Variants in GALNT2 observed in about 807,000 individuals in gnomAD.
GALNT2 encodes the protein polypeptide N-acetylgalactosaminyltransferase 2, also known as UDP-GalNAc:polypeptide N-acetylgalactosaminyltransferase 2.
GALNT2 carries 31 observed loss-of-function variants against 81.4 expected under a neutral mutation model. The ratio of observed to expected loss-of-function variants is 0.38; its 90% CI spans 0.29 to 0.51. The LOEUF (loss-of-function observed/expected upper bound fraction) is 0.51, where lower values mean the gene tolerates loss of function less well. Among genes scored for constraint, GALNT2 ranks in the 20% least tolerant of loss-of-function variants. The probability of loss-of-function intolerance (pLI) is 0.87; values close to 1 mark genes in which losing one functional copy is unlikely to be tolerated. For missense variants in GALNT2, 629 were observed against 765.7 expected (o/e 0.82, Z 2.11); for synonymous variants, 303 against 287.4 (o/e 1.05, Z -0.55).
At chr1:230,145,100 G>C (rs1661873276) in intron 1 of GALNT2, among the ~76,000 whole-genome samples, 1 of 151,780 alleles carries the variant, frequency 6.6e-6, no homozygotes, top group Non-Finnish European at 1.5e-5. Context: ...GCATCTGCAG[G>C]CTCTCACTCA....
rs376148106 is a variant in GALNT2, at chr1:230,138,564, G to A, written c.127-39654G>A. Among the ~76,000 whole-genome samples the A allele has an allele frequency of 6.6e-5, 10 of 151,814 alleles. No homozygotes were observed. The East Asian group carries it at 1.2e-3, about 18-fold the overall frequency. On this transcript the variant is annotated intron_variant, in intron 1 of 15. Coordinates refer to ENST00000366672, the MANE Select transcript of GALNT2 (RefSeq NM_004481.5). ...AAAAAATGAAACAGAAGAAAGAATG[G>A]CCACTCCATAGGCAGAGCAGTGGCA...
At chr1:230,101,749 A>G (rs1660409052) in intron 1 of GALNT2, among the ~76,000 whole-genome samples, 1 of 152,212 alleles carries the variant, frequency 6.6e-6, no homozygotes, top group Admixed American at 6.5e-5. Flanking sequence ...TTTGTTGTGT[A>G]TAATTATTCT....
At position 230,243,700 on chromosome 1, in the gene GALNT2, A is replaced by C. The variant is rs982700580; in HGVS notation, c.729+273A>C. On this transcript the variant is annotated intron_variant, in intron 7 of 15. Coordinates refer to ENST00000366672, the MANE Select transcript of GALNT2 (RefSeq NM_004481.5). This position sits in a 1 kb window ranked among gnomAD's most constrained non-coding sequence, Gnocchi z 4.2. ...ATCAGCAGAGGCTGGTGAGAGCCTG[A>C]TTAGTTGAAGGCAGCCCTTTTCATG... Among the ~76,000 whole-genome samples, 7 of 152,224 alleles carry C rather than the reference A, an allele frequency of 4.6e-5. No homozygotes were observed. The highest frequency in any genetic ancestry group is 1.4e-4 in the African/African-American group (6 of 41,464).
intron 9 of GALNT2, 28 bp downstream of exon 9, chr1:230,249,299 C>T (rs767776362): frequency 6.3e-7 from 1 of 1,597,054 alleles, no homozygotes; most frequent in South Asian, 1.1e-5. Context: ...TCAGGGTGCC[C>T]CTCCCAGATG....
intron 1 of GALNT2, among the ~76,000 whole-genome samples, chr1:230,111,356 CAT>C (rs1422899124): frequency 1.3e-4 from 20 of 152,372 alleles, no homozygotes; most frequent in Admixed American, 6.5e-4. Flanking sequence ...TTTGCATACA[CAT>C]GTGTGCATGG....
At chr1:230,266,662 AAGAG>A (rs773208381) in intron 14 of GALNT2, among the ~76,000 whole-genome samples, 1 of 152,142 alleles carries the variant, frequency 6.6e-6, no homozygotes, top group Non-Finnish European at 1.5e-5. Context: ...CCTAAATTAG[AAGAG>A]AGAGAGGAAC....
At chr1:230,060,679 A>T (rs960034043) in intron 1 of GALNT2, among the ~76,000 whole-genome samples, 1 of 152,150 alleles carries the variant, frequency 6.6e-6, no homozygotes, top group Admixed American at 6.5e-5. Context: ...TCTTCTCCAA[A>T]CAAACCTTTA....
chr1:230,252,547 G>A (rs1027370832), intron 10 of GALNT2, among the ~76,000 whole-genome samples: 1 of 152,162 alleles, frequency 6.6e-6, no homozygotes, highest in Non-Finnish European at 1.5e-5. Flanking sequence ...CAGAGGTCAT[G>A]ACACCTTGCC....
chr1:230,167,305 C>G lies in GALNT2; in HGVS notation c.127-10913C>G, dbSNP rs527286103. Among the ~76,000 whole-genome samples the G allele has an allele frequency of 2.1e-4, 32 of 152,168 alleles. No individual in the cohort carries two copies. The South Asian group carries it at 6.2e-3, about 30-fold the overall frequency. ...GGACTACAGCTGTGCATCCCCACACCTGGCTAATTTTTAAAATTTTTTGTA... is the reference window on the plus strand; with the variant it reads ...GGACTACAGCTGTGCATCCCCACACGTGGCTAATTTTTAAAATTTTTTGTA... On this transcript the variant is annotated intron_variant, in intron 1 of 15. Coordinates refer to ENST00000366672, the MANE Select transcript of GALNT2 (RefSeq NM_004481.5).
intron 10 of GALNT2, among the ~76,000 whole-genome samples, chr1:230,253,839 C>T (rs982057650): frequency 6.6e-6 from 1 of 152,158 alleles, no homozygotes; most frequent in African/African-American, 2.4e-5. Flanking sequence ...TCCTTCCCAG[C>T]CTTTACTATC....
rs779172012 is a variant in GALNT2, at chr1:230,262,969, T to G, written c.1277T>G (p.Phe426Cys). Reference protein sequence around the residue: ...ELRKKLSCKPFKWYLENVYPE... With the variant: ...ELRKKLSCKPCKWYLENVYPE... ...AGGAAGAAACTCAGCTGCAAGCCTTTCAAATGGTACCTTGAAAATGTCTAT... is the reference window on the plus strand; with the variant it reads ...AGGAAGAAACTCAGCTGCAAGCCTTGCAAATGGTACCTTGAAAATGTCTAT... The change falls in exon 13 of 16, where the codon TTC (phenylalanine) becomes TGC (cysteine). Residue 426 changes from phenylalanine to cysteine, a missense_variant. Phe to Cys is a radical substitution (Grantham distance 205). This residue lies in a region of GALNT2 where 207 missense variants were observed against 225.5 expected (regional missense o/e 0.92). Coordinates refer to ENST00000366672, the MANE Select transcript of GALNT2 (RefSeq NM_004481.5). 6.2e-7 allele frequency: 1 copy of G among 1,614,248 alleles called. No homozygotes were observed. The highest frequency in any genetic ancestry group is 8.5e-7 in the Non-Finnish European group (1 of 1,180,032).
At chr1:230,065,973 C>G (rs1007979545), upstream of GALNT2, among the ~76,000 whole-genome samples, 5 of 152,178 alleles carry the variant, frequency 3.3e-5, no homozygotes, top group Admixed American at 1.3e-4. Flanking sequence ...GTTGGACTTT[C>G]TATTTATAAA....
rs540385084 is a variant in GALNT2 at position 230,090,579 on chromosome 1, C to T, written c.126+23173C>T. 4.3e-4 allele frequency among the ~76,000 whole-genome samples: 65 copies of T among 152,206 alleles called. 3 individuals are homozygous for T. In the South Asian group the frequency reaches 0.013, roughly 31 times the overall value. ...GGGAGGGCTGGTGCTTCTGAGGTTCCCAAAGTTCCTGGACTCGAATTTTCT... is the reference window on the plus strand; with the variant it reads ...GGGAGGGCTGGTGCTTCTGAGGTTCTCAAAGTTCCTGGACTCGAATTTTCT... On this transcript the variant is annotated intron_variant, in intron 1 of 15. Coordinates refer to ENST00000366672, the MANE Select transcript of GALNT2 (RefSeq NM_004481.5).
intron 1 of GALNT2, among the ~76,000 whole-genome samples, chr1:230,155,097 C>T (rs1421644698): frequency 1.3e-5 from 2 of 152,166 alleles, no homozygotes; most frequent in Non-Finnish European, 2.9e-5. Context: ...TGCCCCGCGC[C>T]GCATGCACCC....
intron 2 of GALNT2, among the ~76,000 whole-genome samples, chr1:230,200,738 A>T (rs1284220189): frequency 1.3e-5 from 2 of 152,222 alleles, no homozygotes; most frequent in African/African-American, 2.4e-5. Context: ...TGTCCCCAGC[A>T]CGCCGGTGAG....
At chr1:230,277,079 T>A (rs867366616) in intron 15 of GALNT2, among the ~76,000 whole-genome samples, 4 of 152,240 alleles carry the variant, frequency 2.6e-5, no homozygotes, top group African/African-American at 7.2e-5. Flanking sequence ...TGGGGAACCA[T>A]AACTGACACG....
intron 1 of GALNT2, among the ~76,000 whole-genome samples, chr1:230,075,499 G>A (rs533235562): frequency 2.0e-5 from 3 of 152,174 alleles, no homozygotes; most frequent in Non-Finnish European, 2.9e-5. Context: ...CCTGAAGGCC[G>A]CAATCCTCAG....
chr1:230,073,197 C>T (rs1346866213), intron 1 of GALNT2, among the ~76,000 whole-genome samples: 1 of 152,188 alleles, frequency 6.6e-6, no homozygotes, highest in Admixed American at 6.5e-5. Flanking sequence ...CACTCCTGTC[C>T]TTAGAGTGGA....
In GALNT2 at chr1:230,140,134, C is replaced by T. The variant is rs550027958; in HGVS notation, c.127-38084C>T. On this transcript the variant is annotated intron_variant, in intron 1 of 15. Transcript: ENST00000366672. ...GGCTTCTGTCTGCTTCTTGGACACC[C>T]CTTTCTTCCCCTTGGGGGTCGGCTT... is the stretch of plus-strand genomic sequence containing the variant. Among the ~76,000 whole-genome samples, 21 of 152,364 alleles carry T rather than the reference C, an allele frequency of 1.4e-4. No homozygotes were observed. In the South Asian group the frequency reaches 4.1e-3, roughly 30 times the overall value.
Sources: gnomAD v4.1 joint callset for allele counts (sites outside exome capture counted in the v4.1 genomes callset) on GRCh38, gnomAD v4.1.1 for gene constraint, gnomAD v4.1.1 regional missense constraint, Gnocchi (gnomAD v3.1) non-coding constraint, MANE v1.5 for transcripts, NCBI Gene and HGNC (gene_info 2026-07-23, HGNC 2026-07-21) for gene names.